AGAP1: variants seen among roughly 807,000 people sequenced by gnomAD.
The protein encoded by AGAP1 is ArfGAP with GTPase domain, ankyrin repeat and PH domain 1, also known as arf-GAP with GTPase, ANK repeat and PH domain-containing protein 1.
AGAP1 carries 29 observed loss-of-function variants against 105.3 expected under a neutral mutation model. The observed-to-expected ratio is 0.28, with a 90% CI of 0.21 to 0.38. The LOEUF is 0.38. AGAP1 is among the 10% of genes least tolerant of loss of function. The pLI is 1.00. For missense variants in AGAP1, 998 were observed against 1,165.1 expected, an observed-to-expected ratio of 0.86 and a Z score of 2.09; for synonymous variants, 509 against 485.9, an observed-to-expected ratio of 1.05 and a Z score of -0.63.
rs142577493 is a variant in AGAP1, at chr2:235,982,298, A to G, written c.1645+13675A>G. ...CTGTGAATGCAGAGTAACTCTTACAATTAACATATAATTACCTCAACGGGC... is the reference window on the plus strand; with the variant it reads ...CTGTGAATGCAGAGTAACTCTTACAGTTAACATATAATTACCTCAACGGGC... On this transcript the variant is annotated intron_variant, in intron 13 of 17. Coordinates refer to ENST00000304032, the MANE Select transcript of AGAP1 (RefSeq NM_001037131.3). The surrounding 1 kb of genome is among the most constrained non-coding windows in gnomAD (Gnocchi z 4.9). Among the ~76,000 whole-genome samples, 874 of 151,870 alleles carry G rather than the reference A, an allele frequency of 5.8e-3. 10 individuals are homozygous for G. Among genetic ancestry groups the G allele is most frequent in the African/African-American group, 0.02 (825 of 41,116 alleles).
chr2:236,105,297 A>T lies in AGAP1; in HGVS notation c.2115-14895A>T, dbSNP rs763888535. 1.5e-4 allele frequency among the ~76,000 whole-genome samples: 23 copies of T among 152,240 alleles called. No individual in the cohort carries two copies. Among genetic ancestry groups the T allele is most frequent in the African/African-American group, 2.4e-4 (10 of 41,534 alleles). ...TTGCGTCAACTTCAGTTTTAACACG[A>T]TAGCCAGGTAAGGGGGAAAGATGGG... On this transcript the variant is annotated intron_variant, in intron 16 of 17. Coordinates refer to ENST00000304032, the MANE Select transcript of AGAP1 (RefSeq NM_001037131.3). This position sits in a 1 kb window ranked among gnomAD's most constrained non-coding sequence, Gnocchi z 4.2.
intron 5 of AGAP1, among the ~76,000 whole-genome samples, chr2:235,746,244 C>T (rs2149686005): frequency 6.6e-6 from 1 of 151,706 alleles, no homozygotes; most frequent in East Asian, 1.9e-4. Context: ...CAAGATCGTG[C>T]CACTGCACTC....
intron 1 of AGAP1, among the ~76,000 whole-genome samples, chr2:235,589,186 ATTGTTTTGTTTTTTTT>A (rs1366072164): frequency 2.9e-5 from 1 of 35,086 alleles, no homozygotes; most frequent in Non-Finnish European, 5.9e-5. Flanking sequence ...TTAATAGCTT[ATTGTTTTGTTTTTTTT>A]TTTTTTTTTT....
At chr2:235,730,492 A>AC (rs1951884356) in intron 3 of AGAP1, among the ~76,000 whole-genome samples, 2 of 150,410 alleles carry the variant, frequency 1.3e-5, no homozygotes, top group African/African-American at 2.5e-5. Flanking sequence ...AAAAAAAAAA[A>AC]AAAAAACGAG....
chr2:235,846,109 C>A (rs991152701), intron 9 of AGAP1, among the ~76,000 whole-genome samples: 2 of 152,162 alleles, frequency 1.3e-5, no homozygotes, highest in Non-Finnish European at 2.9e-5. Flanking sequence ...ATTTAGATGT[C>A]TTTTTCTCCA....
chr2:236,049,012 T>C (rs1239237950), intron 15 of AGAP1, 47 bp from the exon 16 acceptor site: 1 of 1,529,138 alleles, frequency 6.5e-7, no homozygotes, highest in Admixed American at 1.7e-5. Context: ...GTTGGAATGA[T>C]GCATGATGGT....
In AGAP1 at chr2:235,623,149, A is replaced by T. The variant is rs774328001; in HGVS notation, c.164-86030A>T. On this transcript the variant is annotated intron_variant, in intron 1 of 17. Transcript: ENST00000304032. This position sits in a 1 kb window ranked among gnomAD's most constrained non-coding sequence, Gnocchi z 4.5. ...GGCTGCTACAGCTATGATATTTTAA[A>T]ATCAATGGGCCTTTCCTTTCATTTC... Among the ~76,000 whole-genome samples, 5 of 152,160 alleles carry T rather than the reference A, an allele frequency of 3.3e-5. No homozygotes were observed. The highest frequency in any genetic ancestry group is 5.9e-5 in the Non-Finnish European group (4 of 68,032).
chr2:235,749,159 G>C (rs1878151), intron 5 of AGAP1, among the ~76,000 whole-genome samples: 1 of 151,882 alleles, frequency 6.6e-6, no homozygotes, highest in African/African-American at 2.4e-5. Flanking sequence ...CAGTGAGCCA[G>C]CTCACGCCAC....
intron 6 of AGAP1, among the ~76,000 whole-genome samples, chr2:235,760,235 C>A (rs1228913693): frequency 1.3e-5 from 2 of 152,178 alleles, no homozygotes; most frequent in African/African-American, 4.8e-5. Context: ...AAAAATTAGC[C>A]AGGCATGGTG....
intron 16 of AGAP1, among the ~76,000 whole-genome samples, chr2:236,077,139 AAAAAT>A (rs1306565880): frequency 0.021 from 2,817 of 131,484 alleles, 33 homozygotes; most frequent in South Asian, 0.05. Context: ...AAAAAAAAAA[AAAAAT>A]ATATATATAT....
chr2:235,715,495 A>G (rs1439992661), intron 2 of AGAP1, among the ~76,000 whole-genome samples: 1 of 152,176 alleles, frequency 6.6e-6, no homozygotes, highest in African/African-American at 2.4e-5. Context: ...TGACAGGAGC[A>G]GTGAAGTGTT....
intron 10 of AGAP1, among the ~76,000 whole-genome samples, chr2:235,894,634 TAC>T (rs894881918): frequency 8.3e-5 from 2 of 24,188 alleles, no homozygotes; most frequent in Non-Finnish European, 3.7e-4. Flanking sequence ...CATGCACATG[TAC>T]ACACACACAC....
rs1272265609 is a variant in AGAP1, at chr2:236,044,822, TC to T, written c.1891+3983del. On this transcript the variant is annotated intron_variant, in intron 15 of 17. Transcript: ENST00000304032. This position sits in a 1 kb window ranked among gnomAD's most constrained non-coding sequence, Gnocchi z 5.7. Reference sequence around the variant, plus strand: ...TCCCTGCTGTTCTGCCCTGGGGGCTTCCTGGCTCTGGTGTATCCTAGAATTT... The same window carrying T: ...TCCCTGCTGTTCTGCCCTGGGGGCTTCTGGCTCTGGTGTATCCTAGAATTT... Among the ~76,000 whole-genome samples the T allele has an allele frequency of 6.6e-6, 1 of 152,040 alleles. No homozygotes were observed. Among genetic ancestry groups the T allele is most frequent in the East Asian group, 1.9e-4 (1 of 5,186 alleles).
chr2:235,995,716 G>C (rs1448892877), intron 13 of AGAP1, among the ~76,000 whole-genome samples: 2 of 152,110 alleles, frequency 1.3e-5, no homozygotes, highest in Admixed American at 1.3e-4. Flanking sequence ...CTGATGCTTT[G>C]GTCCTATTGA....
rs149270702 is a variant in AGAP1, at chr2:236,101,316, T to C, written c.2115-18876T>C. Among the ~76,000 whole-genome samples the C allele has an allele frequency of 8.7e-4, 133 of 152,288 alleles. No individual in the cohort carries two copies. The highest frequency in any genetic ancestry group is 3.0e-3 in the African/African-American group (126 of 41,582). Reference sequence around the variant, plus strand: ...ATGGTCCTATGTCTTTAAACAATAATATTACCACAGGCCGCAGTTCTTAAA... The same window carrying C: ...ATGGTCCTATGTCTTTAAACAATAACATTACCACAGGCCGCAGTTCTTAAA... On this transcript the variant is annotated intron_variant, in intron 16 of 17. Transcript: ENST00000304032. The surrounding 1 kb of genome is among the most constrained non-coding windows in gnomAD (Gnocchi z 4.9).
At chr2:235,530,498 C>T (rs1000283758) in intron 1 of AGAP1, among the ~76,000 whole-genome samples, 4 of 152,150 alleles carry the variant, frequency 2.6e-5, no homozygotes, top group Admixed American at 2.0e-4. Flanking sequence ...GGCAGGGCCG[C>T]GTTCCTTCTG....
intron 12 of AGAP1, among the ~76,000 whole-genome samples, chr2:235,943,214 A>G (rs758979699): frequency 1.2e-4 from 18 of 152,324 alleles, no homozygotes; most frequent in Non-Finnish European, 2.5e-4. Context: ...TAGGAACCCA[A>G]CAGGTTAAGA....
In AGAP1 at chr2:235,633,108, A is replaced by G. The variant is rs193206024; in HGVS notation, c.164-76071A>G. On this transcript the variant is annotated intron_variant, in intron 1 of 17. Transcript: ENST00000304032. This position sits in a 1 kb window ranked among gnomAD's most constrained non-coding sequence, Gnocchi z 4.8. ...GGGGGTGATCCCTTTCTTCTCCATC[A>G]TAAGGGTCATGGCCCACATCCCTGT... is the stretch of plus-strand genomic sequence containing the variant. Among the ~76,000 whole-genome samples, 5 of 152,236 alleles carry G rather than the reference A, an allele frequency of 3.3e-5. No individual in the cohort carries two copies. The highest frequency in any genetic ancestry group is 2.6e-4 in the Admixed American group (4 of 15,292).
chr2:235,803,797 G>A (rs757239532), intron 8 of AGAP1, among the ~76,000 whole-genome samples: 8 of 152,148 alleles, frequency 5.3e-5, no homozygotes, highest in Non-Finnish European at 1.2e-4. Context: ...CAAATTATAT[G>A]TTACATTTGC....
Sources: gnomAD v4.1 joint callset for allele counts (sites outside exome capture counted in the v4.1 genomes callset) on GRCh38, gnomAD v4.1.1 for gene constraint, Gnocchi (gnomAD v3.1) non-coding constraint, MANE v1.5 for transcripts, NCBI Gene and HGNC (gene_info 2026-07-23, HGNC 2026-07-21) for gene names.